AEN: variants seen among roughly 807,000 people sequenced by gnomAD.
AEN encodes the protein apoptosis-enhancing nuclease.
A neutral mutation model predicts 17.7 loss-of-function variants in AEN; 21 were observed. The observed-to-expected ratio is 1.19, with a 90% CI of 0.84 to 1.71. The LOEUF is 1.71. Ranked by LOEUF, AEN falls within the 40% of genes most tolerant of loss-of-function variation. The pLI, the probability that AEN is intolerant of heterozygous loss-of-function variation, is 0.00. For missense variants in AEN, 462 were observed against 435.9 expected (o/e 1.06, Z -0.53); for synonymous variants, 190 against 173.0 (o/e 1.10, Z -0.77).
chr15:88,631,342 C>T lies in AEN; in HGVS notation c.*1048C>T, dbSNP rs1275060211. The T allele has an allele frequency of 3.5e-6, 1 of 281,822 alleles. No homozygotes were observed. Among genetic ancestry groups the T allele is most frequent in the African/African-American group, 2.2e-5 (1 of 45,776 alleles). 17.5% of individuals were successfully genotyped at this position (281,822 alleles called of 1,614,324 possible). On this transcript the variant is annotated 3_prime_UTR_variant, in exon 4 of 4. Transcript: ENST00000332810. ...GTCTGATGCCCCCTCAGCTCTTTGA[C>T]AATCACTGTGGCTGTTGGGTTTTCT...
the AEN span, among the ~76,000 whole-genome samples, chr15:88,611,580 A>G: frequency 3.0e-3 from 451 of 152,266 alleles, 3 homozygotes; most frequent in Non-Finnish European, 5.2e-3. Context: ...TGGGTGACAG[A>G]GCAAGACCCT....
In AEN at chr15:88,626,414, G is replaced by A. The variant is rs373467467; in HGVS notation, c.205G>A (p.Gly69Arg). ...GTCCTCCCCACTGCCCACCCCTTTCGGGGCAGCGACAGCAACTGAAGCTGC... is the reference window on the plus strand; with the variant it reads ...GTCCTCCCCACTGCCCACCCCTTTCAGGGCAGCGACAGCAACTGAAGCTGC... The part of the protein sequence containing the change: ...PGSSPLPTPF[G>R]AATATEAASS... Residue 69 changes from glycine (G) to arginine (R), a missense_variant, in exon 2 of 4, where the codon GGG becomes AGG. By Grantham distance (125) the Gly-to-Arg change is moderately radical. Coordinates refer to ENST00000332810, the MANE Select transcript of AEN (RefSeq NM_022767.4). 56 of 1,612,660 alleles carry A rather than the reference G, an allele frequency of 3.5e-5. No individual in the cohort carries two copies. The highest frequency in any genetic ancestry group is 1.1e-4 in the South Asian group (10 of 90,982).
chr15:88,630,385 T>A lies in AEN; in HGVS notation c.*91T>A. The A allele has an allele frequency of 7.9e-7, 1 of 1,270,418 alleles. No homozygotes were observed. Among genetic ancestry groups the A allele is most frequent in the Non-Finnish European group, 1.1e-6 (1 of 908,742 alleles). 78.7% of individuals were successfully genotyped at this position (1,270,418 alleles called of 1,614,324 possible). On this transcript the variant is annotated 3_prime_UTR_variant, in exon 4 of 4. Transcript: ENST00000332810. The surrounding 1 kb of genome is among the most constrained non-coding windows in gnomAD (Gnocchi z 5.1). ...AGCGGGCACTCCTTCCTGGGCAGGG[T>A]GGGGCAGGATGCAGTGAGCCAGCCC...
chr15:88,630,273 G>C lies in AEN; in HGVS notation c.957G>C (p.Glu319Asp). Residue 319 changes from glutamate (E) to aspartate (D), a missense_variant, in exon 4 of 4, where the codon GAG becomes GAC. Transcript: ENST00000332810. This position sits in a 1 kb window ranked among gnomAD's most constrained non-coding sequence, Gnocchi z 5.1. ...LAHGSRGGAR[E>D]AQDRRN is the part of the protein sequence containing the mutation. ...ACGGCAGCAGAGGAGGAGCCAGGGAGGCACAGGACAGAAGGAATTGAGAAG... is the reference window on the plus strand; with the variant it reads ...ACGGCAGCAGAGGAGGAGCCAGGGACGCACAGGACAGAAGGAATTGAGAAG... 6.3e-7 allele frequency: 1 copy of C among 1,587,026 alleles called. No individual in the cohort carries two copies. Among genetic ancestry groups the C allele is most frequent in the Non-Finnish European group, 8.6e-7 (1 of 1,167,084 alleles).
upstream of AEN, among the ~76,000 whole-genome samples, chr15:88,620,347 T>C (rs114881927): frequency 0.024 from 3,686 of 152,254 alleles, 87 homozygotes; most frequent in African/African-American, 0.058. Context: ...GCTCACATAA[T>C]ACGTGTGAAC....
upstream of AEN, among the ~76,000 whole-genome samples, chr15:88,621,062 A>G (rs2057779670): frequency 6.6e-6 from 1 of 152,092 alleles, no homozygotes; most frequent in Non-Finnish European, 1.5e-5. Flanking sequence ...CAGGTAGAGG[A>G]GTGGATTGGA....
At chr15:88,605,484 A>G in the AEN span, among the ~76,000 whole-genome samples, 4 of 152,212 alleles carry the variant, frequency 2.6e-5, no homozygotes, top group Admixed American at 6.5e-5. The surrounding 1 kb of genome is among the most constrained non-coding windows in gnomAD (Gnocchi z 7.6). Context: ...GCTGGCCAGC[A>G]CCCAGAGAGC....
the AEN span, chr15:88,611,977 C>A: frequency 2.2e-6 from 1 of 448,668 alleles, no homozygotes; most frequent in African/African-American, 2.1e-5. Context: ...TTTGGCTATC[C>A]TTCCACGTGT....
rs756014603 is a variant in AEN at position 88,629,277 on chromosome 15, G to C, written c.592G>C (p.Asp198His). 1 of 1,614,122 alleles carries C rather than the reference G, an allele frequency of 6.2e-7. No individual in the cohort carries two copies. The highest frequency in any genetic ancestry group is 8.5e-7 in the Non-Finnish European group (1 of 1,180,008). The part of the protein sequence containing the change: ...KVVVGHALHN[D>H]FQALKYVHPR... ...GGTGGTGGGGCACGCGCTGCACAAC[G>C]ACTTCCAGGCGCTCAAGTATGTCCA... The change falls in exon 3 of 4, where the codon GAC becomes CAC. Residue 198 changes from aspartate (D) to histidine (H), a missense_variant. Asp to His is a moderately conservative substitution (Grantham distance 81, BLOSUM62 -1). Transcript: ENST00000332810.
At chr15:88,622,157 T>A (rs2057795632) in intron 1 of AEN, among the ~76,000 whole-genome samples, 1 of 152,194 alleles carries the variant, frequency 6.6e-6, no homozygotes, top group Non-Finnish European at 1.5e-5. Context: ...TTGGGGCCTT[T>A]GCTCCATTGA....
chr15:88,606,700 G>A, the AEN span, among the ~76,000 whole-genome samples: 3 of 152,228 alleles, frequency 2.0e-5, no homozygotes, highest in African/African-American at 7.2e-5. Flanking sequence ...TCTGGGCTAG[G>A]TGAGAGGCAC....
the AEN span, among the ~76,000 whole-genome samples, chr15:88,607,842 A>G: frequency 2.0e-5 from 3 of 152,170 alleles, no homozygotes; most frequent in Non-Finnish European, 2.9e-5. Context: ...GGGTATTTAC[A>G]TTAAAATGCT....
At chr15:88,624,498 A>G (rs1185845378) in intron 1 of AEN, among the ~76,000 whole-genome samples, 1 of 152,188 alleles carries the variant, frequency 6.6e-6, no homozygotes, top group Non-Finnish European at 1.5e-5. Context: ...CCCAGCATAC[A>G]TTGTGTCGTT....
intron 2 of AEN, chr15:88,628,053 A>T (rs771849766): frequency 6.6e-6 from 1 of 152,152 alleles, no homozygotes; most frequent in African/African-American, 2.4e-5. Flanking sequence ...CAGGCCAATC[A>T]GTAAGAGTAG....
At chr15:88,628,822 T>TA (rs1329049488) in intron 2 of AEN, 1 of 190,498 alleles carries the variant, frequency 5.2e-6, no homozygotes, top group African/African-American at 2.3e-5. Flanking sequence ...TCACAGACCT[T>TA]ACAGTGCGGT....
intron 1 of AEN, among the ~76,000 whole-genome samples, chr15:88,624,239 T>A (rs1369391141): frequency 6.6e-6 from 1 of 152,128 alleles, no homozygotes; most frequent in East Asian, 1.9e-4. Flanking sequence ...GGCATTGGCC[T>A]GTGCAACCCA....
chr15:88,608,068 C>T, the AEN span: 1 of 507,204 alleles, frequency 2.0e-6, no homozygotes, highest in African/African-American at 1.9e-5. Context: ...TCTTTATGGA[C>T]AAAGGGTCTA....
At chr15:88,620,594 G>C (rs1596025017), upstream of AEN, among the ~76,000 whole-genome samples, 3 of 151,692 alleles carry the variant, frequency 2.0e-5, no homozygotes, top group Non-Finnish European at 2.9e-5. Flanking sequence ...TGTATTTTTG[G>C]AGAGATGGGG....
rs147393409 is a variant in AEN at position 88,626,576 on chromosome 15, C to T, written c.367C>T (p.Arg123Ter). The change falls in exon 2 of 4, where the codon CGA becomes TGA. Residue 123 changes from arginine to a stop codon, truncating the protein, a stop_gained. Coordinates refer to ENST00000332810, the MANE Select transcript of AEN (RefSeq NM_022767.4). LOFTEE classifies it high-confidence loss of function. ...CTGTGAGATGGTGGGCACGGGACCC[C>T]GAGGGCGGGTAAGCGAGCTGGCCCG... ...IDCEMVGTGP[R>*]GRVSELARCS... 19 of 1,614,134 alleles carry T rather than the reference C, an allele frequency of 1.2e-5. No homozygotes were observed. Among genetic ancestry groups the T allele is most frequent in the Middle Eastern group, 1.6e-4 (1 of 6,062 alleles).
Sources: allele counts gnomAD v4.1 joint callset (sites outside exome capture counted in the v4.1 genomes callset), GRCh38; gene constraint gnomAD v4.1.1; non-coding constraint Gnocchi (gnomAD v3.1); transcripts MANE v1.5; gene names NCBI Gene and HGNC (gene_info 2026-07-23, HGNC 2026-07-21).